The following NYAP2 variants were observed in gnomAD, a reference collection of about 807,000 sequenced individuals.
The protein encoded by NYAP2 is neuronal tyrosine-phosphorylated phosphoinositide-3-kinase adaptor 2.
In NYAP2, 23 loss-of-function variants were observed where a neutral mutation model predicts 50.4. The observed-to-expected ratio is 0.46, with a 90% CI of 0.33 to 0.65. The LOEUF (loss-of-function observed/expected upper bound fraction) is 0.65. Among genes scored for constraint, NYAP2 ranks in the 30% least tolerant of loss-of-function variants. The pLI is 0.02. For synonymous variants in NYAP2, 394 were observed against 365.2 expected, an observed-to-expected ratio of 1.08 and a Z score of -0.90; for missense variants, 885 against 861.0, an observed-to-expected ratio of 1.03 and a Z score of -0.35.
intron 3 of NYAP2, among the ~76,000 whole-genome samples, chr2:225,417,735 A>G (rs1695148661): frequency 1.3e-5 from 2 of 152,290 alleles, no homozygotes; most frequent in African/African-American, 4.8e-5. Flanking sequence ...GCCGTTACCA[A>G]GGATACTTCT....
intron 4 of NYAP2, among the ~76,000 whole-genome samples, chr2:225,534,823 C>T (rs957185845): frequency 5.9e-5 from 9 of 152,172 alleles, no homozygotes; most frequent in African/African-American, 2.2e-4. Flanking sequence ...ATACAAGGAG[C>T]AGCCACTAAC....
At chr2:225,404,522 A>ATTGTTAACT (rs1694908814) in intron 2 of NYAP2, among the ~76,000 whole-genome samples, 1 of 151,982 alleles carries the variant, frequency 6.6e-6, no homozygotes, top group Admixed American at 6.6e-5. Context: ...AAATAAGAAA[A>ATTGTTAACT]TTGTTAACTC....
intron 5 of NYAP2, among the ~76,000 whole-genome samples, chr2:225,605,257 A>G (rs1203819701): frequency 1.3e-5 from 2 of 152,152 alleles, no homozygotes; most frequent in Non-Finnish European, 2.9e-5. Flanking sequence ...GCACCTGTGC[A>G]TATATTCAGC....
intron 3 of NYAP2, among the ~76,000 whole-genome samples, chr2:225,420,319 A>T (rs1695194860): frequency 6.6e-6 from 1 of 152,174 alleles, no homozygotes; most frequent in African/African-American, 2.4e-5. Flanking sequence ...TTTTGGTGAA[A>T]CTGCCACACA....
intron 3 of NYAP2, among the ~76,000 whole-genome samples, chr2:225,495,092 G>C (rs1285585153): frequency 3.3e-5 from 5 of 152,236 alleles, no homozygotes; most frequent in South Asian, 2.1e-4. Context: ...TAATTTACAA[G>C]AAAATATTAG....
In NYAP2 at chr2:225,529,046, T is replaced by C. The variant is rs79973203; in HGVS notation, c.523+15374T>C. On this transcript the variant is annotated intron_variant, in intron 4 of 6. Coordinates refer to ENST00000636099, the Ensembl canonical transcript of NYAP2. ...CAAACCTATATAAAGATTGATCTCT[T>C]CTTTGCATTTATATGAAAGCATTAG... is the stretch of plus-strand genomic sequence containing the variant. Among the ~76,000 whole-genome samples the C allele has an allele frequency of 9.8e-3, 1,495 of 152,356 alleles. 8 individuals carry two copies. Among genetic ancestry groups the C allele is most frequent in the Non-Finnish European group, 0.015 (1,053 of 68,040 alleles).
chr2:225,401,483 G>A (rs997235706), intron 2 of NYAP2, among the ~76,000 whole-genome samples: 59 of 152,152 alleles, frequency 3.9e-4, no homozygotes, highest in African/African-American at 1.4e-3. Context: ...AAAAGACACA[G>A]TATCCCCCAA....
At chr2:225,411,285 A>T (rs1421357545) in intron 3 of NYAP2, among the ~76,000 whole-genome samples, 2 of 152,162 alleles carry the variant, frequency 1.3e-5, no homozygotes, top group Non-Finnish European at 2.9e-5. Context: ...AGAATTAATT[A>T]GAGGTGGCCC....
At chr2:225,437,849 A>G (rs1055180128) in intron 3 of NYAP2, among the ~76,000 whole-genome samples, 5 of 152,174 alleles carry the variant, frequency 3.3e-5, no homozygotes, top group African/African-American at 2.4e-5. Flanking sequence ...TCATGATTCT[A>G]TCTATTCTAT....
intron 4 of NYAP2, among the ~76,000 whole-genome samples, chr2:225,531,271 C>A (rs189968474): frequency 8.9e-4 from 136 of 152,240 alleles, no homozygotes; most frequent in African/African-American, 2.9e-3. Context: ...GCCTCTGTGC[C>A]CTTGCTTGTA....
chr2:225,412,311 G>A (rs1043947676), intron 3 of NYAP2, among the ~76,000 whole-genome samples: 2 of 125,728 alleles, frequency 1.6e-5, no homozygotes, highest in Non-Finnish European at 3.3e-5. Flanking sequence ...TAAGAAGGGA[G>A]AAAATCAGCA....
At chr2:225,613,838 T>G (rs1372474926) in intron 5 of NYAP2, among the ~76,000 whole-genome samples, 1 of 152,122 alleles carries the variant, frequency 6.6e-6, no homozygotes, top group Non-Finnish European at 1.5e-5. Flanking sequence ...GGGAAGGTAG[T>G]AGAAAGGAGA....
intron 3 of NYAP2, among the ~76,000 whole-genome samples, chr2:225,460,921 A>G (rs577073158): frequency 7.3e-6 from 1 of 136,576 alleles, no homozygotes; most frequent in African/African-American, 2.8e-5. Context: ...TGAACCTGGG[A>G]GGCGGAGCTT....
At chr2:225,696,359 C>T in the NYAP2 span, among the ~76,000 whole-genome samples, 1 of 151,880 alleles carries the variant, frequency 6.6e-6, no homozygotes, top group African/African-American at 2.4e-5. Context: ...TGGAAAACTA[C>T]TAGGTATTCA....
At chr2:225,651,566 C>T (rs1440263967) in exon 7 of NYAP2, 1 of 1,613,636 alleles carries the variant, frequency 6.2e-7, no homozygotes, top group Non-Finnish European at 8.5e-7. Flanking sequence ...TCGTGATTGA[C>T]TTCCTGTGAT....
the NYAP2 span, among the ~76,000 whole-genome samples, chr2:225,665,795 C>G: frequency 1.8e-5 from 2 of 111,352 alleles, no homozygotes; most frequent in Non-Finnish European, 3.4e-5. Flanking sequence ...GGCAACAGAG[C>G]AAGCCTCCGT....
At chr2:225,648,919 G>T (rs1048283864) in intron 6 of NYAP2, among the ~76,000 whole-genome samples, 1 of 152,162 alleles carries the variant, frequency 6.6e-6, no homozygotes, top group African/African-American at 2.4e-5. Flanking sequence ...GAGGGAAAAG[G>T]CCAAGCAAGA....
At position 225,409,121 on chromosome 2, in the gene NYAP2, T is replaced by A. The variant is rs756800894; in HGVS notation, c.221+20T>A. 1 of 1,519,702 alleles carries A rather than the reference T, an allele frequency of 6.6e-7. No individual in the cohort carries two copies. The highest frequency in any genetic ancestry group is 2.5e-5 in the East Asian group (1 of 40,788). 94.1% of individuals were successfully genotyped at this position (1,519,702 alleles called of 1,614,324 possible). A position where few individuals can be genotyped will look rare whatever the true frequency, so the allele number is the denominator to read the frequency against. On this transcript the variant is annotated intron_variant, in intron 3 of 6. Coordinates refer to ENST00000636099, the Ensembl canonical transcript of NYAP2. ...AAAGCGGTAAATATAAATAAAATTA[T>A]TTTGAGTTTTGTGCACATGAGAAAG...
At chr2:225,511,307 T>C (rs1301584971) in intron 3 of NYAP2, among the ~76,000 whole-genome samples, 1 of 151,146 alleles carries the variant, frequency 6.6e-6, no homozygotes, top group Non-Finnish European at 1.5e-5. Context: ...CTAATGTATG[T>C]CTTAATTGCC....
Sources: allele counts gnomAD v4.1 joint callset (sites outside exome capture counted in the v4.1 genomes callset), GRCh38; gene constraint gnomAD v4.1.1; transcripts MANE v1.5; gene names NCBI Gene and HGNC (gene_info 2026-07-23, HGNC 2026-07-21).